The following CACNA1G variants were observed in gnomAD, a reference collection of about 807,000 sequenced individuals.
The protein encoded by CACNA1G is voltage-dependent T-type calcium channel subunit alpha-1G.
Under a neutral mutation model 219.4 loss-of-function variants are expected in CACNA1G, and 67 were observed. The observed-to-expected ratio is 0.31, with a 90% CI of 0.25 to 0.37. CACNA1G has a LOEUF of 0.37. Ranked by LOEUF, CACNA1G falls within the 10% of genes least tolerant of loss-of-function variation. The probability of loss-of-function intolerance (pLI) is 1.00; values close to 1 mark genes in which losing one functional copy is unlikely to be tolerated. For missense variants in CACNA1G, 2,380 were observed against 3,231.4 expected (o/e 0.74, Z 6.39); for synonymous variants, 1,296 against 1,345.3 (o/e 0.96, Z 0.80).
intron 33 of CACNA1G, 137 bp from the exon 34 acceptor site, chr17:50,619,546 G>T: frequency 5.4e-6 from 3 of 555,650 alleles, no homozygotes; most frequent in East Asian, 3.6e-5. Flanking sequence ...GTGTGCACAT[G>T]TGCATGTGTG....
chr17:50,566,141 C>T (rs528761185), intron 1 of CACNA1G, among the ~76,000 whole-genome samples: 3 of 152,302 alleles, frequency 2.0e-5, no homozygotes, highest in Admixed American at 6.5e-5. Flanking sequence ...ACAACAGCCT[C>T]AGTCAGGGGA....
At position 50,591,938 on chromosome 17, in the gene CACNA1G, TCCTGAC is replaced by T; in HGVS notation, c.2759_2764del (p.Leu920_Thr921del). The T allele has an allele frequency of 6.2e-7, 1 of 1,613,908 alleles. No homozygotes were observed. The highest frequency in any genetic ancestry group is 2.2e-5 in the East Asian group (1 of 44,874). On this transcript the variant is annotated inframe_deletion and splice_region_variant, in exon 13 of 38. Transcript: ENST00000359106. ...CTGATTCCTGTCTTCTGCCCGCAGA[TCCTGAC>T]CCAGGAGGACTGGAACAAAGTCCTC...
intron 9 of CACNA1G, among the ~76,000 whole-genome samples, chr17:50,582,179 A>G (rs76053544): frequency 0.076 from 11,635 of 152,308 alleles, 520 homozygotes; most frequent in Non-Finnish European, 0.099. Context: ...GGATACGTGG[A>G]GGAGGAGCCC....
chr17:50,591,466 G>T lies in CACNA1G; in HGVS notation c.2485G>T (p.Gly829Cys). 1 of 1,594,248 alleles carries T rather than the reference G, an allele frequency of 6.3e-7. No homozygotes were observed. Among genetic ancestry groups the T allele is most frequent in the Non-Finnish European group, 8.5e-7 (1 of 1,171,040 alleles). ...VWEIVGQQGG[G>C]LSVLRTFRLM... ...GGAGATCGTGGGCCAGCAGGGGGGC[G>T]GCCTGTCGGTGCTGCGGACCTTCCG... Residue 829 changes from glycine (G) to cysteine (C), a missense_variant, in exon 11 of 38, where the codon GGC becomes TGC. Physicochemically the swap from Gly to Cys is radical, Grantham distance 159 (BLOSUM62 -3). Coordinates refer to ENST00000359106, the MANE Select transcript of CACNA1G (RefSeq NM_018896.5).
At position 50,617,936 on chromosome 17, in the gene CACNA1G, G is replaced by T. The variant is rs116224642; in HGVS notation, c.5226+7G>T. On this transcript the variant is annotated splice_region_variant and intron_variant, in intron 30 of 37. Coordinates refer to ENST00000359106, the MANE Select transcript of CACNA1G (RefSeq NM_018896.5). The surrounding 1 kb of genome is among the most constrained non-coding windows in gnomAD (Gnocchi z 5.8). ...GATGCAGGCCCTGCCCCAGGTAGCCGGGAGGTGGGGGGCCTCTGGGGAGGG... is the reference window on the plus strand; with the variant it reads ...GATGCAGGCCCTGCCCCAGGTAGCCTGGAGGTGGGGGGCCTCTGGGGAGGG... 2.5e-6 allele frequency: 4 copies of T among 1,613,604 alleles called. No homozygotes were observed. Among genetic ancestry groups the T allele is most frequent in the Admixed American group, 3.3e-5 (2 of 60,026 alleles).
chr17:50,562,520 T>C (rs2036149299), intron 1 of CACNA1G, among the ~76,000 whole-genome samples: 1 of 151,936 alleles, frequency 6.6e-6, no homozygotes. Flanking sequence ...GTGCTTAAGA[T>C]TGGGTTGGGG....
chr17:50,623,750 C>T (rs924963131), intron 35 of CACNA1G, among the ~76,000 whole-genome samples, 157 bp from the exon 36 acceptor site: 2 of 152,142 alleles, frequency 1.3e-5, no homozygotes, highest in Admixed American at 1.3e-4. Context: ...TGCCCCTCTC[C>T]CCAGCCATGC....
chr17:50,576,157 C>G lies in CACNA1G; in HGVS notation c.1755C>G (p.Gly585=), dbSNP rs1344150721. Reference sequence around the variant, plus strand: ...CTGAGGCATCCGGCAGGACTGTGGGCAGCGGGAAGGTGTATCCCACCGTGC... The same window carrying G: ...CTGAGGCATCCGGCAGGACTGTGGGGAGCGGGAAGGTGTATCCCACCGTGC... ...SPSEASGRTV[G]SGKVYPTVHT... Residue 585 remains glycine, a synonymous_variant, in exon 8 of 38, where the codon GGC becomes GGG. Transcript: ENST00000359106. 6.2e-7 allele frequency: 1 copy of G among 1,608,928 alleles called. No individual in the cohort carries two copies. Among genetic ancestry groups the G allele is most frequent in the Non-Finnish European group, 8.5e-7 (1 of 1,178,340 alleles).
chr17:50,564,932 C>T (rs2037238972), intron 1 of CACNA1G, among the ~76,000 whole-genome samples: 1 of 152,088 alleles, frequency 6.6e-6, no homozygotes, highest in African/African-American at 2.4e-5. Context: ...CACATTCCTT[C>T]CCACCCGCTC....
chr17:50,588,494 G>A (rs2043464751), intron 9 of CACNA1G, among the ~76,000 whole-genome samples: 1 of 152,196 alleles, frequency 6.6e-6, no homozygotes, highest in Non-Finnish European at 1.5e-5. Flanking sequence ...ACAGAGTGGG[G>A]GGATCCACTT....
chr17:50,564,248 G>A (rs566165820), intron 1 of CACNA1G, among the ~76,000 whole-genome samples: 1 of 151,632 alleles, frequency 6.6e-6, no homozygotes, highest in South Asian at 2.1e-4. Context: ...CCCTGCCTCA[G>A]ATCAGAGGGG....
Position 50,626,418 on chromosome 17 carries a change from ACACT to A in CACNA1G, c.6803_6806del (p.His2268LeufsTer45). 6.2e-7 allele frequency: 1 copy of A among 1,610,120 alleles called. No individual in the cohort carries two copies. The highest frequency in any genetic ancestry group is 8.5e-7 in the Non-Finnish European group (1 of 1,178,708). On this transcript the variant is annotated frameshift_variant, in exon 38 of 38. Coordinates refer to ENST00000359106, the MANE Select transcript of CACNA1G (RefSeq NM_018896.5). LOFTEE classifies it high-confidence loss of function. The surrounding 1 kb of genome is among the most constrained non-coding windows in gnomAD (Gnocchi z 4.3). Reference sequence around the variant, plus strand: ...CGTCCTGGCTGGATGAGCAGAGGAGACACTCTATCGCCGTCAGCTGCCTGGACAG... The same window carrying A: ...CGTCCTGGCTGGATGAGCAGAGGAGACTATCGCCGTCAGCTGCCTGGACAG...
rs972911903 is a variant in CACNA1G at position 50,561,327 on chromosome 17, C to A, written c.-133C>A. On this transcript the variant is annotated 5_prime_UTR_variant, in exon 1 of 38. Transcript: ENST00000359106. ...GGGAGCTGGGCTGAACTGGCCCTCC[C>A]GGGGGCTCAGCTTGCGCCCTAGAGC... is the stretch of plus-strand genomic sequence containing the variant. The A allele has an allele frequency of 8.6e-7, 1 of 1,161,404 alleles. No individual in the cohort carries two copies. Among genetic ancestry groups the A allele is most frequent in the Non-Finnish European group, 1.2e-6 (1 of 833,848 alleles). 71.9% of individuals were successfully genotyped at this position (1,161,404 alleles called of 1,614,324 possible). A position where few individuals can be genotyped will look rare whatever the true frequency, so the allele number is the denominator to read the frequency against.
Position 50,561,074 on chromosome 17 carries a change from T to G in CACNA1G, c.-386T>G. On this transcript the variant is annotated 5_prime_UTR_variant, in exon 1 of 38. Coordinates refer to ENST00000359106, the MANE Select transcript of CACNA1G (RefSeq NM_018896.5). ...GGCGCCCCTCCCCGGACCCCCGCCC[T>G]CCGCCGCTGCCCCCCTTTTCGTTCG... is the stretch of plus-strand genomic sequence containing the variant. 1 of 374,142 alleles carries G rather than the reference T, an allele frequency of 2.7e-6. No individual in the cohort carries two copies. Among genetic ancestry groups the G allele is most frequent in the East Asian group, 1.3e-4 (1 of 7,620 alleles). 23.2% of individuals were successfully genotyped at this position (374,142 alleles called of 1,614,324 possible).
Position 50,604,299 on chromosome 17 carries a change from G to C in CACNA1G, c.4296+18G>C, listed in dbSNP as rs780466628. 2 of 1,611,428 alleles carry C rather than the reference G, an allele frequency of 1.2e-6. No homozygotes were observed. Among genetic ancestry groups the C allele is most frequent in the Admixed American group, 3.3e-5 (2 of 59,966 alleles). On this transcript the variant is annotated intron_variant, in intron 22 of 37. Coordinates refer to ENST00000359106, the MANE Select transcript of CACNA1G (RefSeq NM_018896.5). ...GGGTGCAGGTGTGTGGGGTTCTGGG[G>C]GCCAGCTGTGGGTGAAAGCCTGAAG... is the stretch of plus-strand genomic sequence containing the variant.
chr17:50,614,555 A>G (rs1263775613), intron 26 of CACNA1G, among the ~76,000 whole-genome samples: 1 of 152,196 alleles, frequency 6.6e-6, no homozygotes, highest in Admixed American at 6.5e-5. Flanking sequence ...TGGCTCTGTG[A>G]TTTTCATAAC....
chr17:50,585,355 T>A (rs151304938), intron 9 of CACNA1G, among the ~76,000 whole-genome samples: 2 of 152,176 alleles, frequency 1.3e-5, no homozygotes, highest in Non-Finnish European at 2.9e-5. Context: ...GTCAGCTGTC[T>A]TGAAGCTGAG....
chr17:50,626,097 C>T lies in CACNA1G; in HGVS notation c.6480C>T (p.Ser2160=), dbSNP rs755415917. The change falls in exon 38 of 38, where the codon TCC becomes TCT. Residue 2160 remains serine (S), a synonymous_variant. Transcript: ENST00000359106. This position sits in a 1 kb window ranked among gnomAD's most constrained non-coding sequence, Gnocchi z 4.3. ...EDLLAEVSGP[S]PPLARAYSFW... is the part of the protein sequence containing the mutation. ...TGCTGGCAGAGGTGAGTGGGCCCTCCCCGCCCCTGGCCCGGGCCTACTCTT... is the reference window on the plus strand; with the variant it reads ...TGCTGGCAGAGGTGAGTGGGCCCTCTCCGCCCCTGGCCCGGGCCTACTCTT... The T allele has an allele frequency of 1.9e-6, 3 of 1,613,550 alleles. No individual in the cohort carries two copies. The African/African-American group carries it at 4.0e-5, about 22-fold the overall frequency.
rs1355037379 is a variant in CACNA1G at position 50,614,301 on chromosome 17, C to T, written c.4760-1060C>T. 2.0e-5 allele frequency among the ~76,000 whole-genome samples: 3 copies of T among 152,348 alleles called. No homozygotes were observed. The East Asian group carries it at 5.8e-4, about 29-fold the overall frequency. On this transcript the variant is annotated intron_variant, in intron 26 of 37. Transcript: ENST00000359106. ...CTCAGGCCTCAGAGGCGGCAGCCCTCACTGGCTGGCTTCCCCCTAGACCTC... is the reference window on the plus strand; with the variant it reads ...CTCAGGCCTCAGAGGCGGCAGCCCTTACTGGCTGGCTTCCCCCTAGACCTC...
Sources: gnomAD v4.1 joint callset for allele counts (sites outside exome capture counted in the v4.1 genomes callset) on GRCh38, gnomAD v4.1.1 for gene constraint, Gnocchi (gnomAD v3.1) non-coding constraint, MANE v1.5 for transcripts, NCBI Gene and HGNC (gene_info 2026-07-23, HGNC 2026-07-21) for gene names.